Variants in KCMF1 observed in about 807,000 individuals in gnomAD.
KCMF1 encodes the protein potassium channel modulatory factor 1.
In KCMF1, 3 loss-of-function variants were observed where a neutral mutation model predicts 41.1. The ratio of observed to expected loss-of-function variants is 0.07; its 90% CI spans 0.03 to 0.19. The LOEUF (loss-of-function observed/expected upper bound fraction) is 0.19, where lower values mean the gene tolerates loss of function less well. KCMF1 is among the 10% of genes least tolerant of loss of function. The pLI is 1.00. For missense variants in KCMF1, 286 were observed against 488.9 expected, an observed-to-expected ratio of 0.58 and a Z score of 3.91; for synonymous variants, 142 against 164.5, an observed-to-expected ratio of 0.86 and a Z score of 1.04.
At chr2:85,010,349 A>G (rs1217751736) in intron 1 of KCMF1, among the ~76,000 whole-genome samples, 1 of 152,058 alleles carries the variant, frequency 6.6e-6, no homozygotes. Flanking sequence ...CACACCTGTA[A>G]CCCTAGCTAC....
At chr2:85,012,896 G>A (rs1001832821) in intron 1 of KCMF1, among the ~76,000 whole-genome samples, 1 of 152,178 alleles carries the variant, frequency 6.6e-6, no homozygotes, top group Non-Finnish European at 1.5e-5. Flanking sequence ...ACAAAACAGG[G>A]GAAAGTGACT....
intron 1 of KCMF1, among the ~76,000 whole-genome samples, chr2:84,999,091 G>T (rs1674265259): frequency 6.9e-6 from 1 of 144,880 alleles, no homozygotes; most frequent in South Asian, 2.3e-4. Context: ...TGTCACCCAG[G>T]CTGGAGTAAT....
chr2:85,026,599 C>T (rs1355941671), intron 1 of KCMF1, among the ~76,000 whole-genome samples: 1 of 151,868 alleles, frequency 6.6e-6, no homozygotes, highest in Non-Finnish European at 1.5e-5. Context: ...AGCATTCCTC[C>T]CACCTCAACC....
chr2:85,035,718 A>G (rs1675388763), intron 3 of KCMF1, among the ~76,000 whole-genome samples: 1 of 152,132 alleles, frequency 6.6e-6, no homozygotes, highest in South Asian at 2.1e-4. Flanking sequence ...ATAATACACA[A>G]AGAAAGTCTT....
intron 1 of KCMF1, among the ~76,000 whole-genome samples, chr2:85,011,419 C>T (rs1040603667): frequency 6.6e-6 from 1 of 152,170 alleles, no homozygotes; most frequent in East Asian, 1.9e-4. Flanking sequence ...TATTGTATCA[C>T]TGCTTCTGGG....
At chr2:85,035,480 A>G (rs1484898215) in intron 3 of KCMF1, among the ~76,000 whole-genome samples, 1 of 152,226 alleles carries the variant, frequency 6.6e-6, no homozygotes, top group Non-Finnish European at 1.5e-5. Flanking sequence ...CTCTTGTTAT[A>G]GTATCCTTGC....
At chr2:84,993,188 G>GAAA (rs547127154) in intron 1 of KCMF1, among the ~76,000 whole-genome samples, 28 of 119,646 alleles carry the variant, frequency 2.3e-4, no homozygotes, top group African/African-American at 7.8e-4. Flanking sequence ...CCCTGTGTCA[G>GAAA]AAAAAAAAAA....
rs186068216 is a variant in KCMF1 at position 84,995,255 on chromosome 2, C to T, written c.16+23788C>T. Among the ~76,000 whole-genome samples the T allele has an allele frequency of 4.6e-5, 7 of 151,774 alleles. No individual in the cohort carries two copies. In the East Asian group the frequency reaches 9.8e-4, roughly 21 times the overall value. On this transcript the variant is annotated intron_variant, in intron 1 of 6. Transcript: ENST00000409785. ...CAGGCTTGTCTGGAACTCCTGACCTCGTGATCCACCCACCTTGGCCTCCCA... is the reference window on the plus strand; with the variant it reads ...CAGGCTTGTCTGGAACTCCTGACCTTGTGATCCACCCACCTTGGCCTCCCA...
chr2:85,010,330 G>T (rs1280807072), intron 1 of KCMF1, among the ~76,000 whole-genome samples: 1 of 152,114 alleles, frequency 6.6e-6, no homozygotes, highest in Non-Finnish European at 1.5e-5. Flanking sequence ...TTAGCTGGGT[G>T]TAGTGGTGCA....
At chr2:85,003,370 C>T (rs1397658427) in intron 1 of KCMF1, among the ~76,000 whole-genome samples, 2 of 151,770 alleles carry the variant, frequency 1.3e-5, no homozygotes, top group Admixed American at 6.6e-5. Flanking sequence ...CCTAGCTACT[C>T]GGGAGGCTGA....
intron 1 of KCMF1, among the ~76,000 whole-genome samples, chr2:85,010,918 A>G (rs1257830992): frequency 6.7e-6 from 1 of 149,964 alleles, no homozygotes; most frequent in Non-Finnish European, 1.5e-5. Flanking sequence ...ATCTCAGCTC[A>G]CTGCAACCTC....
At chr2:84,994,366 G>A (rs969128723) in intron 1 of KCMF1, among the ~76,000 whole-genome samples, 2 of 152,018 alleles carry the variant, frequency 1.3e-5, no homozygotes, top group African/African-American at 4.8e-5. Flanking sequence ...TGTGTATATG[G>A]AATTGCAATG....
chr2:85,033,561 C>T (rs1412338440), intron 2 of KCMF1, among the ~76,000 whole-genome samples: 2 of 152,148 alleles, frequency 1.3e-5, no homozygotes, highest in African/African-American at 4.8e-5. Flanking sequence ...TGTAAAGAGA[C>T]CAAACAGTTG....
At chr2:85,026,492 A>ATTATTATTATTATTATTATTT (rs146823537) in intron 1 of KCMF1, among the ~76,000 whole-genome samples, 4 of 143,140 alleles carry the variant, frequency 2.8e-5, no homozygotes, top group South Asian at 2.2e-4. Flanking sequence ...TATTATTATT[A>ATTATTATTATTATTATTATTT]TTATTTTTAT....
chr2:85,019,371 C>T (rs1674872228), intron 1 of KCMF1, among the ~76,000 whole-genome samples: 2 of 152,064 alleles, frequency 1.3e-5, no homozygotes, highest in Admixed American at 1.3e-4. Flanking sequence ...CTAAAGGGGA[C>T]AATGGGCTAC....
intron 1 of KCMF1, 40 bp downstream of exon 1, chr2:84,971,507 T>A (rs1229313219): frequency 8.6e-7 from 1 of 1,157,218 alleles, no homozygotes. Context: ...CTCCCGGGCC[T>A]CGGCCTACCC....
chr2:85,040,519 G>A (rs375816598), intron 3 of KCMF1, among the ~76,000 whole-genome samples: 5 of 151,764 alleles, frequency 3.3e-5, no homozygotes, highest in Middle Eastern at 3.4e-3. Context: ...TTCTTTCTTC[G>A]TCTTGTTCCC....
chr2:85,012,559 GAA>G (rs141252116), intron 1 of KCMF1, among the ~76,000 whole-genome samples: 2,547 of 152,142 alleles, frequency 0.017, 59 homozygotes, highest in African/African-American at 0.058. Context: ...CTTTCTCAGA[GAA>G]AGTCTCCCAA....
In KCMF1 at chr2:85,026,492, A is replaced by ATTATTATTATTATTT. The variant is rs146823537; in HGVS notation, c.17-1392_17-1391insATTATTATTTTTATT. ...TATTATTATTATTATTATTATTATT[A>ATTATTATTATTATTT]TTATTTTTATTTTTTCCAGACAGGG... On this transcript the variant is annotated intron_variant, in intron 1 of 6. Coordinates refer to ENST00000409785, the MANE Select transcript of KCMF1 (RefSeq NM_020122.5). 2.7e-3 allele frequency among the ~76,000 whole-genome samples: 388 copies of ATTATTATTATTATTT among 143,108 alleles called. 2 individuals are homozygous for ATTATTATTATTATTT. Among genetic ancestry groups the ATTATTATTATTATTT allele is most frequent in the South Asian group, 0.012 (55 of 4,560 alleles). The allele number at this position is 143,108 out of a possible 152,430, so 93.9% of individuals were successfully genotyped here.
Sources: allele counts gnomAD v4.1 joint callset (sites outside exome capture counted in the v4.1 genomes callset), GRCh38; gene constraint gnomAD v4.1.1; transcripts MANE v1.5; gene names NCBI Gene and HGNC (gene_info 2026-07-23, HGNC 2026-07-21).